The following ANO4 variants were observed in gnomAD, a reference collection of about 807,000 sequenced individuals.
The protein encoded by ANO4 is anoctamin-4.
ANO4 carries 69 observed loss-of-function variants against 141.9 expected under a neutral mutation model. That is an observed-to-expected ratio of 0.49 (90% confidence interval 0.40 to 0.59). ANO4 has a LOEUF of 0.59. Ranked by LOEUF, ANO4 falls within the 20% of genes least tolerant of loss-of-function variation. The pLI, the probability that ANO4 is intolerant of heterozygous loss-of-function variation, is 0.00. For synonymous variants in ANO4, 350 were observed against 394.3 expected, an observed-to-expected ratio of 0.89 and a Z score of 1.33; for missense variants, 894 against 1,162.2, an observed-to-expected ratio of 0.77 and a Z score of 3.36.
intron 8 of ANO4, among the ~76,000 whole-genome samples, chr12:100,988,881 A>AAAAAAAG (rs2044892597): frequency 6.9e-6 from 1 of 145,210 alleles, no homozygotes; most frequent in Admixed American, 6.9e-5. Context: ...AGAAAAAAAA[A>AAAAAAAG]AAAAAAAGAA....
intron 1 of ANO4, among the ~76,000 whole-genome samples, chr12:100,897,460 G>A (rs1291401492): frequency 1.3e-5 from 2 of 152,220 alleles, no homozygotes. Context: ...TGCCCAAGAT[G>A]TCTGCACCAT....
intron 3 of ANO4, among the ~76,000 whole-genome samples, chr12:100,761,569 G>T (rs950494595): frequency 2.0e-5 from 3 of 152,170 alleles, no homozygotes; most frequent in Non-Finnish European, 4.4e-5. Context: ...GCTCCTTAAA[G>T]ACTTAGCACC....
intron 9 of ANO4, among the ~76,000 whole-genome samples, chr12:101,023,729 A>C (rs2046626509): frequency 6.6e-6 from 1 of 152,230 alleles, no homozygotes; most frequent in East Asian, 1.9e-4. Flanking sequence ...ATATCTAATT[A>C]GAAATAACCA....
chr12:100,946,338 A>G (rs1034014178), intron 5 of ANO4, among the ~76,000 whole-genome samples: 2 of 152,206 alleles, frequency 1.3e-5, no homozygotes, highest in Admixed American at 1.3e-4. Flanking sequence ...GTTGCCTGGT[A>G]AGATTAGACT....
In ANO4 at chr12:101,068,523, A is replaced by G. The variant is rs1019086150; in HGVS notation, c.1313-10670A>G. The G allele has an allele frequency of 1.5e-5, 17 of 1,134,558 alleles. No homozygotes were observed. In the Admixed American group the frequency reaches 2.9e-4, roughly 19 times the overall value. The allele number at this position is 1,134,558 out of a possible 1,614,324, so 70.3% of individuals were successfully genotyped here. A position where few individuals can be genotyped will look rare whatever the true frequency, so the allele number is the denominator to read the frequency against. ...CGCAACTTTCATATTTTCCTGGAAT[A>G]TGATCAGGATCTAAGTGTTAGGTGG... On this transcript the variant is annotated intron_variant, in intron 14 of 27. Transcript: ENST00000392977.
chr12:101,069,789 C>T (rs1011899512), intron 14 of ANO4, among the ~76,000 whole-genome samples: 1 of 151,796 alleles, frequency 6.6e-6, no homozygotes, highest in Non-Finnish European at 1.5e-5. Context: ...TTTTTTAAAT[C>T]GAGATATAAA....
At chr12:100,787,836 G>GA (rs1436256581) in intron 3 of ANO4, among the ~76,000 whole-genome samples, 1 of 152,160 alleles carries the variant, frequency 6.6e-6, no homozygotes, top group Admixed American at 6.5e-5. Context: ...CATTTACATG[G>GA]AAAAATGGAA....
At chr12:100,847,135 G>A (rs1422167480) in intron 1 of ANO4, among the ~76,000 whole-genome samples, 2 of 152,224 alleles carry the variant, frequency 1.3e-5, no homozygotes, top group Non-Finnish European at 2.9e-5. Context: ...ACCAGTATGT[G>A]AAGTGAGGGC....
intron 1 of ANO4, among the ~76,000 whole-genome samples, chr12:100,729,038 G>T (rs2031261120): frequency 6.6e-6 from 1 of 150,840 alleles, no homozygotes; most frequent in Non-Finnish European, 1.5e-5. Context: ...TAATTATTTT[G>T]TTGCTTTTCT....
chr12:101,118,618 G>A (rs1471313699), intron 25 of ANO4, among the ~76,000 whole-genome samples: 1 of 152,130 alleles, frequency 6.6e-6, no homozygotes, highest in Non-Finnish European at 1.5e-5. Flanking sequence ...AGAATATTTG[G>A]TATTCTAAGG....
chr12:101,079,541 CT>C (rs561847725), intron 15 of ANO4, among the ~76,000 whole-genome samples: 11 of 151,358 alleles, frequency 7.3e-5, no homozygotes, highest in East Asian at 5.8e-4. Flanking sequence ...GGTGGTGTAG[CT>C]TTTTTTTTCC....
intron 3 of ANO4, among the ~76,000 whole-genome samples, chr12:100,769,138 G>T (rs1047404611): frequency 6.6e-6 from 1 of 152,132 alleles, no homozygotes; most frequent in Non-Finnish European, 1.5e-5. Flanking sequence ...TCCATATTTT[G>T]TCACAGGAGG....
At chr12:100,976,955 TG>T (rs1257093221) in intron 7 of ANO4, among the ~76,000 whole-genome samples, 1 of 152,156 alleles carries the variant, frequency 6.6e-6, no homozygotes, top group Non-Finnish European at 1.5e-5. Flanking sequence ...TCAGTATGTG[TG>T]GAACAGAGCA....
chr12:100,842,070 C>T (rs1321943007), intron 1 of ANO4: 1 of 112,224 alleles, frequency 8.9e-6, no homozygotes, highest in Admixed American at 8.7e-5. Context: ...CACCCCCCCC[C>T]CCCCCCCACT....
At chr12:101,103,061 AAACTTGC>A (rs2136975607) in intron 22 of ANO4, among the ~76,000 whole-genome samples, 1 of 150,872 alleles carries the variant, frequency 6.6e-6, no homozygotes, top group South Asian at 2.1e-4. Flanking sequence ...TTGCTTATGC[AAACTTGC>A]TAGCATCTAA....
chr12:101,073,014 A>T (rs2048883141), intron 14 of ANO4, among the ~76,000 whole-genome samples: 1 of 152,220 alleles, frequency 6.6e-6, no homozygotes. Flanking sequence ...ACCATTGTAG[A>T]AGACAGTGTG....
chr12:100,932,077 G>T lies in ANO4; in HGVS notation c.161-7238G>T, dbSNP rs117378944. 4.9e-3 allele frequency among the ~76,000 whole-genome samples: 736 copies of T among 151,566 alleles called. 7 individuals carry two copies. The highest frequency in any genetic ancestry group is 0.016 in the South Asian group (78 of 4,796). On this transcript the variant is annotated intron_variant, in intron 3 of 27. Transcript: ENST00000392977. ...TCAGATGCAATAACTTGGAACTTAGGACAAAAATAGTATAATGAACTGGCG... is the reference window on the plus strand; with the variant it reads ...TCAGATGCAATAACTTGGAACTTAGTACAAAAATAGTATAATGAACTGGCG...
At chr12:101,015,321 T>C (rs1253685654) in intron 8 of ANO4, among the ~76,000 whole-genome samples, 2 of 152,186 alleles carry the variant, frequency 1.3e-5, no homozygotes, top group African/African-American at 4.8e-5. Flanking sequence ...AACATATTCA[T>C]ATGCATGTAC....
At chr12:100,892,137 C>T (rs2040136343) in intron 1 of ANO4, among the ~76,000 whole-genome samples, 1 of 152,144 alleles carries the variant, frequency 6.6e-6, no homozygotes, top group Non-Finnish European at 1.5e-5. Context: ...CACACATTTT[C>T]TCTGTCAATT....
Sources: allele counts gnomAD v4.1 joint callset (sites outside exome capture counted in the v4.1 genomes callset), GRCh38; gene constraint gnomAD v4.1.1; transcripts MANE v1.5; gene names NCBI Gene and HGNC (gene_info 2026-07-23, HGNC 2026-07-21).